Variants in CUX2 observed in about 807,000 individuals in gnomAD.
CUX2 encodes the protein cut like homeobox 2.
In CUX2, 40 loss-of-function variants were observed where a neutral mutation model predicts 144.8. That is an observed-to-expected ratio of 0.28 (90% CI 0.21 to 0.36). The LOEUF is 0.36. Among genes scored for constraint, CUX2 ranks in the 10% least tolerant of loss-of-function variants. The pLI is 1.00. For synonymous variants in CUX2, 827 were observed against 875.6 expected (o/e 0.94, Z 0.98); for missense variants, 1,615 against 1,994.0 (o/e 0.81, Z 3.62).
intron 18 of CUX2, among the ~76,000 whole-genome samples, chr12:111,327,486 G>T (rs1408581541): frequency 1.3e-5 from 2 of 152,144 alleles, no homozygotes; most frequent in South Asian, 2.1e-4. Context: ...TACCAACATG[G>T]GTTATCTCCC....
chr12:111,314,776 A>C (rs1887106432), intron 16 of CUX2, among the ~76,000 whole-genome samples: 1 of 151,620 alleles, frequency 6.6e-6, no homozygotes, highest in Non-Finnish European at 1.5e-5. Context: ...CCCAGGAGGC[A>C]GAGGTTGTAG....
Position 111,129,551 on chromosome 12 carries a change from C to G in CUX2, c.64-84649C>G, listed in dbSNP as rs140027183. Among the ~76,000 whole-genome samples the G allele has an allele frequency of 4.7e-3, 715 of 152,374 alleles. 10 individuals are homozygous for G. Among genetic ancestry groups the G allele is most frequent in the African/African-American group, 0.016 (672 of 41,582 alleles). ...CTGCAGCTGCAATTGGAGCCACCAC[C>G]TGGTTAATCTTACAGTAATCCACTG... On this transcript the variant is annotated intron_variant, in intron 1 of 21. Transcript: ENST00000261726.
intron 3 of CUX2, among the ~76,000 whole-genome samples, chr12:111,219,848 AATT>A (rs1881745643): frequency 6.6e-6 from 1 of 152,080 alleles, no homozygotes. Flanking sequence ...ATGGAATAAT[AATT>A]ATACATATTT....
At chr12:111,200,918 A>G (rs1880543100) in intron 1 of CUX2, among the ~76,000 whole-genome samples, 1 of 152,194 alleles carries the variant, frequency 6.6e-6, no homozygotes, top group Non-Finnish European at 1.5e-5. Context: ...AAGAAATTGC[A>G]TCTACTGGTT....
At chr12:111,328,102 C>G (rs1048322638) in intron 18 of CUX2, among the ~76,000 whole-genome samples, 1 of 152,062 alleles carries the variant, frequency 6.6e-6, no homozygotes, top group Non-Finnish European at 1.5e-5. Flanking sequence ...CTGGAGGTGG[C>G]TACTGTAGCT....
intron 1 of CUX2, among the ~76,000 whole-genome samples, chr12:111,138,399 A>AG (rs1382082312): frequency 6.6e-6 from 1 of 151,862 alleles, no homozygotes; most frequent in African/African-American, 2.4e-5. Context: ...GGTGGAGGAG[A>AG]GGGGAAAACA....
chr12:111,153,247 A>G (rs1877166880), intron 1 of CUX2, among the ~76,000 whole-genome samples: 2 of 152,146 alleles, frequency 1.3e-5, no homozygotes. Flanking sequence ...TCACTTATTT[A>G]TTCATTCAAT....
At chr12:111,297,921 A>G (rs527291164) in intron 8 of CUX2, among the ~76,000 whole-genome samples, 40 of 152,288 alleles carry the variant, frequency 2.6e-4, no homozygotes, top group African/African-American at 9.1e-4. Flanking sequence ...GTAGTCAGGG[A>G]GAACTCCCTG....
In CUX2 at chr12:111,320,401, C is replaced by T. The variant is rs1887461359; in HGVS notation, c.2392C>T (p.Arg798Cys). Residue 798 changes from arginine (R) to cysteine (C), a missense_variant, in exon 17 of 22, where the codon CGC (arginine) becomes TGC (cysteine). Around this residue, in one of 12 missense-constraint regions of CUX2, gnomAD observed 390 missense variants for 387.1 expected, o/e 1.01. Coordinates refer to ENST00000261726, the MANE Select transcript of CUX2 (RefSeq NM_015267.4). The surrounding 1 kb of genome is among the most constrained non-coding windows in gnomAD (Gnocchi z 8.1). ...HWASDRGLLS[R>C]PYASVSPSLS... is the part of the protein sequence containing the mutation. ...GGCCTCCGACCGCGGCCTGCTCAGC[C>T]GCCCCTACGCCTCCGTGTCGCCCTC... The T allele has an allele frequency of 3.8e-6, 6 of 1,597,754 alleles. No individual in the cohort carries two copies. Among genetic ancestry groups the T allele is most frequent in the African/African-American group, 1.3e-5 (1 of 74,862 alleles).
At chr12:111,150,478 G>C (rs543044207) in intron 1 of CUX2, among the ~76,000 whole-genome samples, 34 of 152,198 alleles carry the variant, frequency 2.2e-4, no homozygotes, top group Non-Finnish European at 4.9e-4. Flanking sequence ...GGGGCTCCGG[G>C]AGAAAGCTGG....
chr12:111,147,537 G>T lies in CUX2; in HGVS notation c.64-66663G>T, dbSNP rs76415934. 7.1e-4 allele frequency among the ~76,000 whole-genome samples: 108 copies of T among 152,252 alleles called. No individual in the cohort carries two copies. In the East Asian group the frequency reaches 0.015, roughly 21 times the overall value. On this transcript the variant is annotated intron_variant, in intron 1 of 21. Transcript: ENST00000261726. Reference sequence around the variant, plus strand: ...ATTAAGAGCCTTTTTCAAGTTCATGGTTCCCACCCTCTCGTGCTCTAGGCT... The same window carrying T: ...ATTAAGAGCCTTTTTCAAGTTCATGTTTCCCACCCTCTCGTGCTCTAGGCT...
At chr12:111,272,823 T>C (rs1334317832) in intron 4 of CUX2, among the ~76,000 whole-genome samples, 1 of 152,160 alleles carries the variant, frequency 6.6e-6, no homozygotes, top group African/African-American at 2.4e-5. Flanking sequence ...GCCCATGCCG[T>C]TTCCTCAGCC....
intron 20 of CUX2, among the ~76,000 whole-genome samples, chr12:111,340,796 G>A (rs929393609): frequency 6.6e-6 from 1 of 152,148 alleles, no homozygotes; most frequent in African/African-American, 2.4e-5. Flanking sequence ...TTATTTAAGG[G>A]GGTTTTTACC....
intron 1 of CUX2, among the ~76,000 whole-genome samples, chr12:111,205,680 C>T (rs992897463): frequency 1.3e-5 from 2 of 152,120 alleles, no homozygotes; most frequent in Non-Finnish European, 2.9e-5. Flanking sequence ...TCCTGACAAC[C>T]CTATGGGCAC....
At chr12:111,092,689 A>G (rs1180376390) in intron 1 of CUX2, among the ~76,000 whole-genome samples, 1 of 152,106 alleles carries the variant, frequency 6.6e-6, no homozygotes, top group Non-Finnish European at 1.5e-5. Flanking sequence ...GACCTTTAAT[A>G]ATAAAGCTGG....
intron 1 of CUX2, among the ~76,000 whole-genome samples, chr12:111,073,679 G>T (rs1871358371): frequency 6.6e-6 from 1 of 152,086 alleles, no homozygotes; most frequent in Non-Finnish European, 1.5e-5. Flanking sequence ...GTCTCCGGGG[G>T]CTGGTCATGG....
intron 4 of CUX2, among the ~76,000 whole-genome samples, chr12:111,278,075 A>G (rs2136311027): frequency 6.6e-6 from 1 of 152,214 alleles, no homozygotes; most frequent in East Asian, 1.9e-4. Context: ...TCAATCTCTG[A>G]CTGTGATCCC....
chr12:111,063,961 G>A (rs1275275290), intron 1 of CUX2, among the ~76,000 whole-genome samples: 2 of 152,200 alleles, frequency 1.3e-5, no homozygotes, highest in African/African-American at 2.4e-5. Flanking sequence ...ACATGCACCC[G>A]GCAAGGTGGT....
intron 1 of CUX2, among the ~76,000 whole-genome samples, chr12:111,177,413 C>T (rs916460486): frequency 5.3e-5 from 8 of 151,822 alleles, no homozygotes; most frequent in African/African-American, 1.5e-4. Flanking sequence ...TTTTTTTTAG[C>T]GGAGTCTCAC....
Sources: allele counts gnomAD v4.1 joint callset (sites outside exome capture counted in the v4.1 genomes callset), GRCh38; gene constraint gnomAD v4.1.1; regional missense constraint gnomAD v4.1.1; non-coding constraint Gnocchi (gnomAD v3.1); transcripts MANE v1.5; gene names NCBI Gene and HGNC (gene_info 2026-07-23, HGNC 2026-07-21).